Variants in SAMD12 observed in about 807,000 individuals in gnomAD.
SAMD12 encodes the protein sterile alpha motif domain-containing protein 12.
Under a neutral mutation model 15.0 loss-of-function variants are expected in SAMD12, and 9 were observed. The ratio of observed to expected loss-of-function variants is 0.60; its 90% CI spans 0.36 to 1.05. SAMD12 has a LOEUF of 1.05. Among genes scored for constraint, SAMD12 ranks in the 50% least tolerant of loss-of-function variants. The pLI, the probability that SAMD12 is intolerant of heterozygous loss-of-function variation, is 0.01. For missense variants in SAMD12, 230 were observed against 234.2 expected (o/e 0.98, Z 0.12); for synonymous variants, 86 against 90.1 (o/e 0.96, Z 0.25).
intron 3 of SAMD12, among the ~76,000 whole-genome samples, chr8:118,411,375 A>G (rs1821398081): frequency 6.6e-6 from 1 of 152,248 alleles, no homozygotes; most frequent in Non-Finnish European, 1.5e-5. Context: ...CAAGTCCAGG[A>G]TGCTGTGAGA....
Position 118,311,883 on chromosome 8 carries a change from C to T in SAMD12, c.433+67677G>A, listed in dbSNP as rs938974813. On this transcript the variant is annotated intron_variant, in intron 4 of 4. Transcript: ENST00000409003. ...CCTTAAACACCTCCAATCATATCTC[C>T]AACAGTGTCAATTATTGCTGGTTTT... Among the ~76,000 whole-genome samples the T allele has an allele frequency of 2.6e-5, 4 of 152,242 alleles. No individual in the cohort carries two copies. In the South Asian group the frequency reaches 6.2e-4, roughly 24 times the overall value.
intron 4 of SAMD12, among the ~76,000 whole-genome samples, chr8:118,220,178 C>T (rs1003208816): frequency 3.3e-5 from 5 of 152,184 alleles, no homozygotes; most frequent in East Asian, 3.9e-4. Context: ...CAGTATCTCT[C>T]GGCACACAAC....
At chr8:118,567,268 T>C (rs1826878065) in intron 2 of SAMD12, among the ~76,000 whole-genome samples, 1 of 151,976 alleles carries the variant, frequency 6.6e-6, no homozygotes, top group Non-Finnish European at 1.5e-5. Context: ...CTATGGTATT[T>C]GAAGATAAGT....
At chr8:118,592,306 AAAATGGC>A (rs1827601996) in intron 1 of SAMD12, among the ~76,000 whole-genome samples, 2 of 152,182 alleles carry the variant, frequency 1.3e-5, no homozygotes, top group South Asian at 4.1e-4. Context: ...TAGAGGAAAA[AAAATGGC>A]AAATGGGAAA....
At chr8:118,605,297 C>G (rs1291317619) in intron 1 of SAMD12, among the ~76,000 whole-genome samples, 2 of 152,170 alleles carry the variant, frequency 1.3e-5, no homozygotes, top group African/African-American at 4.8e-5. Context: ...AATGAGATTA[C>G]TTACTGTGCT....
the SAMD12 span, among the ~76,000 whole-genome samples, chr8:118,134,772 C>T: frequency 6.6e-6 from 1 of 152,222 alleles, no homozygotes; most frequent in Non-Finnish European, 1.5e-5. Context: ...CTTCATTAGT[C>T]TTCCAAGGAA....
intron 4 of SAMD12, among the ~76,000 whole-genome samples, chr8:118,249,441 G>C (rs570531545): frequency 6.6e-6 from 1 of 152,174 alleles, no homozygotes; most frequent in South Asian, 2.1e-4. Flanking sequence ...TTCAAGTTTT[G>C]ATCTTTGGAA....
intron 4 of SAMD12, among the ~76,000 whole-genome samples, chr8:118,307,173 G>A (rs1427376694): frequency 3.3e-5 from 5 of 152,166 alleles, no homozygotes; most frequent in Non-Finnish European, 7.3e-5. Flanking sequence ...TGGAGCTGAT[G>A]GGCTGTAACT....
intron 4 of SAMD12, among the ~76,000 whole-genome samples, chr8:118,356,540 C>T (rs577958218): frequency 4.3e-4 from 65 of 152,254 alleles, no homozygotes; most frequent in African/African-American, 1.5e-3. Context: ...ACTTTCAGCT[C>T]TCTTACTTGA....
At chr8:118,365,585 G>T (rs904453282) in intron 4 of SAMD12, among the ~76,000 whole-genome samples, 1 of 151,930 alleles carries the variant, frequency 6.6e-6, no homozygotes, top group Non-Finnish European at 1.5e-5. Context: ...CTATTCCCAG[G>T]CCTTCAGAAT....
intron 2 of SAMD12, among the ~76,000 whole-genome samples, chr8:118,578,056 C>T (rs375613538): frequency 6.6e-6 from 1 of 152,094 alleles, no homozygotes; most frequent in Middle Eastern, 3.2e-3. Flanking sequence ...TTGTGGAAAA[C>T]CCTCCTAGAC....
chr8:118,176,361 T>C, the SAMD12 span, among the ~76,000 whole-genome samples: 2 of 152,182 alleles, frequency 1.3e-5, no homozygotes, highest in Non-Finnish European at 2.9e-5. Flanking sequence ...GACACATGCA[T>C]GTGTATGTTC....
chr8:118,522,670 G>T (rs1193927221), intron 2 of SAMD12, among the ~76,000 whole-genome samples: 1 of 152,032 alleles, frequency 6.6e-6, no homozygotes, highest in African/African-American at 2.4e-5. Flanking sequence ...TTCCAGATTT[G>T]TTACACTGAG....
chr8:118,510,214 C>CCA (rs200530021), intron 2 of SAMD12, among the ~76,000 whole-genome samples: 2,105 of 151,190 alleles, frequency 0.014, 45 homozygotes, highest in East Asian at 0.075. Context: ...AACCCCCCCA[C>CCA]CACACACACA....
In SAMD12 at chr8:118,245,563, T is replaced by C. The variant is rs566920682; in HGVS notation, c.434-47831A>G. Among the ~76,000 whole-genome samples the C allele has an allele frequency of 8.5e-5, 13 of 152,256 alleles. 1 individual carries two copies. In the South Asian group the frequency reaches 2.1e-3, roughly 24 times the overall value. On this transcript the variant is annotated intron_variant, in intron 4 of 4. Transcript: ENST00000409003. Reference sequence around the variant, plus strand: ...ATTAAATCATTTGGGCAACATTTCATAGAGTGAAGAAGTAGTGGTACCAGA... The same window carrying C: ...ATTAAATCATTTGGGCAACATTTCACAGAGTGAAGAAGTAGTGGTACCAGA...
chr8:118,355,335 A>G (rs188892782), intron 4 of SAMD12, among the ~76,000 whole-genome samples: 273 of 152,336 alleles, frequency 1.8e-3, no homozygotes, highest in African/African-American at 4.1e-3. Flanking sequence ...GAGCTAAGCT[A>G]TGAGGATGCA....
intron 4 of SAMD12, among the ~76,000 whole-genome samples, chr8:118,318,310 G>GTGTATATA (rs1322305346): frequency 1.8e-5 from 2 of 113,320 alleles, no homozygotes; most frequent in African/African-American, 6.5e-5. Flanking sequence ...AGATATATGT[G>GTGTATATA]TATATATATA....
chr8:118,255,959 A>G (rs984031265), intron 4 of SAMD12, among the ~76,000 whole-genome samples: 1 of 152,116 alleles, frequency 6.6e-6, no homozygotes, highest in Admixed American at 6.5e-5. Flanking sequence ...GAACTAGTTT[A>G]CAGTCCCACC....
intron 4 of SAMD12, among the ~76,000 whole-genome samples, chr8:118,338,676 T>C (rs967999684): frequency 6.6e-6 from 1 of 152,232 alleles, no homozygotes; most frequent in Non-Finnish European, 1.5e-5. Context: ...AATTAACTAC[T>C]GGTTAAGTAT....
Sources: allele counts gnomAD v4.1 joint callset (sites outside exome capture counted in the v4.1 genomes callset), GRCh38; gene constraint gnomAD v4.1.1; transcripts MANE v1.5; gene names NCBI Gene and HGNC (gene_info 2026-07-23, HGNC 2026-07-21).